KRT6B: variants seen among roughly 807,000 people sequenced by gnomAD.
KRT6B encodes the protein keratin, type II cytoskeletal 6B.
In KRT6B, 29 loss-of-function variants were observed where a neutral mutation model predicts 44.7. That is an observed-to-expected ratio of 0.65 (90% CI 0.48 to 0.88). KRT6B has a LOEUF of 0.88. Among genes scored for constraint, KRT6B ranks in the 40% least tolerant of loss-of-function variants. KRT6B has a pLI of 0.00. For missense variants in KRT6B, 600 were observed against 724.0 expected (o/e 0.83, Z 1.97); for synonymous variants, 213 against 296.0 (o/e 0.72, Z 2.88).
rs544250467 is a variant in KRT6B, at chr12:52,448,539, A to G, written c.1203+303T>C. 3.6e-3 allele frequency among the ~76,000 whole-genome samples: 541 copies of G among 152,200 alleles called. 3 individuals are homozygous for G. The highest frequency in any genetic ancestry group is 4.8e-3 in the Admixed American group (73 of 15,298). ...GCTTTCTGACCTGACATCTTGCCCA[A>G]CTTGGTCCTTTGCAATTCCAAAGTC... On this transcript the variant is annotated intron_variant, in intron 6 of 8. Transcript: ENST00000252252.
intron 4 of KRT6B, 29 bp from the exon 5 acceptor site, chr12:52,449,662 T>C: frequency 6.8e-6 from 11 of 1,614,186 alleles, no homozygotes; most frequent in Non-Finnish European, 9.3e-6. Context: ...TAAGATCAAC[T>C]TCACTTCTGA....
rs1203666178 is a variant in KRT6B, at chr12:52,447,350, C to T, written c.1535G>A (p.Gly512Glu). 2 of 1,614,058 alleles carry T rather than the reference C, an allele frequency of 1.2e-6. No homozygotes were observed. Among genetic ancestry groups the T allele is most frequent in the South Asian group, 1.1e-5 (1 of 91,082 alleles). ...ACCACTGCCATAGGAGTAGCTGCTTCCTCCACCCAGGCCTAAGCCACTGCC... is the reference window on the plus strand; with the variant it reads ...ACCACTGCCATAGGAGTAGCTGCTTTCTCCACCCAGGCCTAAGCCACTGCC... ...GVGSGLGLGGGSSYSYGSGLG... is the reference protein window; with the variant it reads ...GVGSGLGLGGESSYSYGSGLG... The change falls in exon 9 of 9, where the codon GGA becomes GAA. Residue 512 changes from glycine to glutamate, a missense_variant. Gly to Glu is a moderately conservative substitution (Grantham distance 98, BLOSUM62 -2). Transcript: ENST00000252252.
Position 52,451,783 on chromosome 12 carries a change from C to T in KRT6B, c.296G>A (p.Gly99Glu), listed in dbSNP as rs1366130157. Residue 99 changes from glycine (G) to glutamate (E), a missense_variant, in exon 1 of 9, where the codon GGA becomes GAA. Around this residue, in one of 4 missense-constraint regions of KRT6B, gnomAD observed 12 missense variants for 93.3 expected, o/e 0.13. Coordinates refer to ENST00000252252, the MANE Select transcript of KRT6B (RefSeq NM_005555.4). Reference sequence around the variant, plus strand: ...GCCGGCTCCACCACCGAAACCAAATCCACTCCCGGCGCCACCAAAGCCATA... The same window carrying T: ...GCCGGCTCCACCACCGAAACCAAATTCACTCCCGGCGCCACCAAAGCCATA... ...GSYGFGGAGS[G>E]FGFGGGAGIG... The T allele has an allele frequency of 6.2e-7, 1 of 1,611,730 alleles. No individual in the cohort carries two copies. The highest frequency in any genetic ancestry group is 1.3e-5 in the African/African-American group (1 of 74,708).
In KRT6B at chr12:52,452,121, G is replaced by T. The variant is rs1365685131; in HGVS notation, c.-43C>A. On this transcript the variant is annotated 5_prime_UTR_variant, in exon 1 of 9. Transcript: ENST00000252252. ...GGGCTTAGGAGAGTGTGAGAGGCTG[G>T]AGGCGAGAGGGAGGAGAAGCAGGAC... 3 of 1,613,754 alleles carry T rather than the reference G, an allele frequency of 1.9e-6. No homozygotes were observed. Among genetic ancestry groups the T allele is most frequent in the Non-Finnish European group, 2.5e-6 (3 of 1,179,912 alleles).
At position 52,448,874 on chromosome 12, in the gene KRT6B, G is replaced by A; in HGVS notation, c.1171C>T (p.Leu391=). The A allele has an allele frequency of 6.2e-7, 1 of 1,614,058 alleles. No individual in the cohort carries two copies. Among genetic ancestry groups the A allele is most frequent in the South Asian group, 1.1e-5 (1 of 91,072 alleles). Residue 391 remains leucine (L), a synonymous_variant, in exon 6 of 9, where the codon CTG becomes TTG. Coordinates refer to ENST00000252252, the MANE Select transcript of KRT6B (RefSeq NM_005555.4). ...TTGACGTGGTCGATCTCAGATCTCA[G>A]CCTCTGGATCATGCGGTTGATCTCA... ...IAEINRMIQR[L]RSEIDHVKKQ...
chr12:52,449,290 G>C (rs965660746), intron 5 of KRT6B, among the ~76,000 whole-genome samples, 179 bp downstream of exon 5: 54 of 152,184 alleles, frequency 3.5e-4, no homozygotes, highest in Non-Finnish European at 5.1e-4. Flanking sequence ...GCATTGGGTT[G>C]TTTTTCCTCC....
At chr12:52,451,128 T>A (rs981144675) in intron 1 of KRT6B, among the ~76,000 whole-genome samples, 2 of 151,628 alleles carry the variant, frequency 1.3e-5, no homozygotes, top group Admixed American at 6.6e-5. Context: ...TCCCTTTTTT[T>A]CTTAATCCAG....
rs1940317149 is a variant in KRT6B at position 52,446,821 on chromosome 12, A to G, written c.*369T>C. ...CAGATGAGAACTCCTGAGTGTAGCT[A>G]TAATGGGCAGGATGGTTAGCAATTA... On this transcript the variant is annotated 3_prime_UTR_variant, in exon 9 of 9. Coordinates refer to ENST00000252252, the MANE Select transcript of KRT6B (RefSeq NM_005555.4). 8 of 317,436 alleles carry G rather than the reference A, an allele frequency of 2.5e-5. No homozygotes were observed. In the South Asian group the frequency reaches 3.2e-4, roughly 13 times the overall value. The allele number at this position is 317,436 out of a possible 1,614,324, so 19.7% of individuals were successfully genotyped here.
chr12:52,451,971 G>A lies in KRT6B; in HGVS notation c.108C>T (p.Ile36=). Residue 36 remains isoleucine (I), a synonymous_variant, in exon 1 of 9, where the codon ATC becomes ATT. Coordinates refer to ENST00000252252, the MANE Select transcript of KRT6B (RefSeq NM_005555.4). ...CACTGCCCCTGGAGCGGGACACGGA[G>A]ATGCTGCTGAAGCCAGAGCGGCTGA... ...PGVSRSGFSS[I]SVSRSRGSGG... is the part of the protein sequence containing the mutation. 6.2e-7 allele frequency: 1 copy of A among 1,613,706 alleles called. No individual in the cohort carries two copies. The highest frequency in any genetic ancestry group is 8.5e-7 in the Non-Finnish European group (1 of 1,180,038).
rs1940360001 is a variant in KRT6B, at chr12:52,449,302, T to C, written c.1077+167A>G. Among the ~76,000 whole-genome samples the C allele has an allele frequency of 3.3e-5, 5 of 152,346 alleles. No homozygotes were observed. In the South Asian group the frequency reaches 1.0e-3, roughly 32 times the overall value. On this transcript the variant is annotated intron_variant, in intron 5 of 8. Coordinates refer to ENST00000252252, the MANE Select transcript of KRT6B (RefSeq NM_005555.4). ...CCTGCATTGGGTTGTTTTTCCTCCT[T>C]GACTTGGGCATAAGTTCCGCAAATG...
chr12:52,451,478 G>A (rs1023134072), intron 1 of KRT6B, 61 bp downstream of exon 1: 1 of 1,613,038 alleles, frequency 6.2e-7, no homozygotes, highest in Non-Finnish European at 8.5e-7. Context: ...CGGCAGGAAG[G>A]TGTTGCTCTT....
At chr12:52,450,696 G>A in intron 1 of KRT6B, 76 bp from the exon 2 acceptor site, 1 of 1,605,410 alleles carries the variant, frequency 6.2e-7, no homozygotes. Context: ...TTTCCTGGAG[G>A]TCTGGGAGGT....
Position 52,449,601 on chromosome 12 carries a change from G to T in KRT6B, c.945C>A (p.Asp315Glu). 6.2e-7 allele frequency: 1 copy of T among 1,614,210 alleles called. No individual in the cohort carries two copies. Among genetic ancestry groups the T allele is most frequent in the African/African-American group, 1.3e-5 (1 of 75,058 alleles). ...TGTCCATGGATAGCACCACGGATGT[G>T]TCTGAGATGTGGGTCTGCATCTGGG... ...ELSQMQTHIS[D>E]TSVVLSMDNN... The change falls in exon 5 of 9, where the codon GAC (aspartate) becomes GAA (glutamate). Residue 315 changes from aspartate (D) to glutamate (E), a missense_variant. Physicochemically the swap from Asp to Glu is conservative, Grantham distance 45. Around this residue, in one of 4 missense-constraint regions of KRT6B, gnomAD observed 479 missense variants for 454.2 expected, o/e 1.05. Coordinates refer to ENST00000252252, the MANE Select transcript of KRT6B (RefSeq NM_005555.4).
intron 2 of KRT6B, 58 bp from the exon 3 acceptor site, chr12:52,450,130 G>A: frequency 6.2e-7 from 1 of 1,613,768 alleles, no homozygotes; most frequent in South Asian, 1.1e-5. Flanking sequence ...AAACAGAAAA[G>A]CAGCTTGGGA....
At position 52,447,443 on chromosome 12, in the gene KRT6B, C is replaced by T; in HGVS notation, c.1460-18G>A. ...CACTACAGCTGTGGTGGGGAGGGGA[C>T]AAGGACACAAGAAGCCACAATGAGT... On this transcript the variant is annotated intron_variant, in intron 8 of 8. Coordinates refer to ENST00000252252, the MANE Select transcript of KRT6B (RefSeq NM_005555.4). 1.2e-6 allele frequency: 2 copies of T among 1,613,950 alleles called. No homozygotes were observed. The highest frequency in any genetic ancestry group is 1.7e-6 in the Non-Finnish European group (2 of 1,179,936).
chr12:52,449,369 C>T, intron 5 of KRT6B, 100 bp downstream of exon 5: 2 of 1,560,964 alleles, frequency 1.3e-6, no homozygotes, highest in South Asian at 1.1e-5. Flanking sequence ...TGAGAGGACC[C>T]CAGCTTCCTG....
chr12:52,449,719 C>G (rs1940367641), intron 4 of KRT6B, 39 bp downstream of exon 4: 1 of 1,613,996 alleles, frequency 6.2e-7, no homozygotes, highest in Non-Finnish European at 8.5e-7. Context: ...CCTTTGCAGA[C>G]CCCATCAGAG....
chr12:52,447,109 G>T lies in KRT6B; in HGVS notation c.*81C>A. 6.3e-7 allele frequency: 1 copy of T among 1,576,618 alleles called. No individual in the cohort carries two copies. The highest frequency in any genetic ancestry group is 8.7e-7 in the Non-Finnish European group (1 of 1,155,818). On this transcript the variant is annotated 3_prime_UTR_variant, in exon 9 of 9. Transcript: ENST00000252252. ...GGGCAGGGGAGACTGGAGGCCAGGG[G>T]AGGACAAGCAACCTGAGGAGAGGGC...
chr12:52,449,287 G>A (rs1940359770), intron 5 of KRT6B, among the ~76,000 whole-genome samples, 182 bp downstream of exon 5: 2 of 152,198 alleles, frequency 1.3e-5, no homozygotes, highest in Admixed American at 6.5e-5. Flanking sequence ...CCTGCATTGG[G>A]TTGTTTTTCC....
Sources: gnomAD v4.1 joint callset for allele counts (sites outside exome capture counted in the v4.1 genomes callset) on GRCh38, gnomAD v4.1.1 for gene constraint, gnomAD v4.1.1 regional missense constraint, MANE v1.5 for transcripts, NCBI Gene and HGNC (gene_info 2026-07-23, HGNC 2026-07-21) for gene names.